Variants in MYH10 observed in about 807,000 individuals in gnomAD.
MYH10 encodes myosin-10.
A neutral mutation model predicts 257.8 loss-of-function variants in MYH10; 55 were observed. That is an observed-to-expected ratio of 0.21 (90% CI 0.17 to 0.27). MYH10 has a LOEUF of 0.27. Among genes scored for constraint, MYH10 ranks in the 10% least tolerant of loss-of-function variants. MYH10 has a pLI of 1.00. For synonymous variants in MYH10, 854 were observed against 921.7 expected (o/e 0.93, Z 1.33); for missense variants, 1,631 against 2,500.6 (o/e 0.65, Z 7.42).
intron 9 of MYH10, among the ~76,000 whole-genome samples, chr17:8,551,149 AAAT>A (rs1334434007): frequency 3.0e-5 from 4 of 133,526 alleles, no homozygotes; most frequent in Admixed American, 8.1e-5. Context: ...AAAAATAAAT[AAAT>A]AATAAATTTA....
At chr17:8,494,105 G>A (rs565142799) in intron 31 of MYH10, among the ~76,000 whole-genome samples, 1 of 152,110 alleles carries the variant, frequency 6.6e-6, no homozygotes, top group Non-Finnish European at 1.5e-5. Context: ...AACGAATGGC[G>A]GCGCCATCCA....
intron 22 of MYH10, 22 bp downstream of exon 22, chr17:8,513,764 G>A (rs762722376): frequency 6.2e-7 from 1 of 1,613,372 alleles, no homozygotes; most frequent in Non-Finnish European, 8.5e-7. Context: ...AAGGGATCTG[G>A]AAAGAAGTGA....
intron 3 of MYH10, among the ~76,000 whole-genome samples, chr17:8,595,089 A>T (rs1684528313): frequency 6.6e-6 from 1 of 152,232 alleles, no homozygotes; most frequent in Admixed American, 6.5e-5. Flanking sequence ...AGCACTAAAA[A>T]AGAATGAACT....
At chr17:8,487,089 C>G (rs189526988) in intron 36 of MYH10, among the ~76,000 whole-genome samples, 5 of 152,044 alleles carry the variant, frequency 3.3e-5, no homozygotes, top group African/African-American at 1.2e-4. Flanking sequence ...GAAAAAGTGA[C>G]GATTAAAACA....
intron 5 of MYH10, 29 bp from the exon 6 acceptor site, chr17:8,576,701 T>A (rs1488380639): frequency 1.3e-6 from 2 of 1,549,476 alleles, no homozygotes; most frequent in East Asian, 4.9e-5. Flanking sequence ...CAAATGCAAA[T>A]GTTAGCAAGT....
intron 17 of MYH10, among the ~76,000 whole-genome samples, chr17:8,527,115 C>A (rs543436649): frequency 6.6e-6 from 1 of 152,128 alleles, no homozygotes; most frequent in Admixed American, 6.5e-5. Flanking sequence ...ATTATGAATT[C>A]GCAGAAACGA....
At chr17:8,559,417 TAA>T (rs2082912621) in intron 7 of MYH10, among the ~76,000 whole-genome samples, 2 of 812 alleles carry the variant, frequency 2.5e-3, no homozygotes, top group South Asian at 0.25. Context: ...GGTGATATAA[TAA>T]ATAAATTAAA....
intron 21 of MYH10, among the ~76,000 whole-genome samples, chr17:8,516,506 T>C (rs1214350266): frequency 6.6e-6 from 1 of 152,230 alleles, no homozygotes; most frequent in African/African-American, 2.4e-5. Context: ...CATATAAGAT[T>C]ACATGGATTT....
intron 24 of MYH10, 117 bp downstream of exon 24, chr17:8,512,334 C>T: frequency 1.3e-6 from 1 of 776,106 alleles, no homozygotes; most frequent in Non-Finnish European, 2.1e-6. Context: ...CTTCTCATAA[C>T]CCAGAACCCT....
Position 8,492,385 on chromosome 17 carries a change from T to G in MYH10, c.4583A>C (p.Glu1528Ala). ...SLARALEEAL[E>A]AKEEFERQNK... Reference sequence around the variant, plus strand: ...CTGCCTCTCAAACTCCTCCTTGGCCTCCAGGGCTTCCTCGAGGGCCCGGGC... The same window carrying G: ...CTGCCTCTCAAACTCCTCCTTGGCCGCCAGGGCTTCCTCGAGGGCCCGGGC... Residue 1528 changes from glutamate to alanine, a missense_variant, in exon 34 of 43, where the codon GAG becomes GCG. Transcript: ENST00000360416. The G allele has an allele frequency of 6.2e-7, 1 of 1,613,756 alleles. No homozygotes were observed. Among genetic ancestry groups the G allele is most frequent in the Non-Finnish European group, 8.5e-7 (1 of 1,180,020 alleles).
At chr17:8,514,749 C>T (rs988261364) in intron 21 of MYH10, among the ~76,000 whole-genome samples, 1 of 152,144 alleles carries the variant, frequency 6.6e-6, no homozygotes, top group African/African-American at 2.4e-5. Context: ...GCAAACGTTC[C>T]TATTACTGAC....
chr17:8,585,182 T>C (rs563572227), intron 4 of MYH10, among the ~76,000 whole-genome samples: 1 of 123,540 alleles, frequency 8.1e-6, no homozygotes. Context: ...TATATGTGTG[T>C]GTGTGTGTAT....
At chr17:8,630,219 G>A (rs899959371) in intron 1 of MYH10, among the ~76,000 whole-genome samples, 1 of 150,828 alleles carries the variant, frequency 6.6e-6, no homozygotes, top group Admixed American at 6.6e-5. Context: ...GGCACGCCGA[G>A]ACCTCCGCCG....
chr17:8,508,812 A>G (rs541876208), intron 25 of MYH10, 135 bp from the exon 26 acceptor site: 2 of 979,196 alleles, frequency 2.0e-6, no homozygotes, highest in African/African-American at 3.3e-5. Flanking sequence ...CAGACTGTAC[A>G]CAATCACATG....
intron 16 of MYH10, among the ~76,000 whole-genome samples, chr17:8,532,446 G>A (rs367818823): frequency 3.9e-5 from 6 of 152,134 alleles, no homozygotes; most frequent in Admixed American, 1.3e-4. Flanking sequence ...TAACTTTCCC[G>A]TATCTCTTAA....
chr17:8,478,595 G>A (rs1913107432), intron 40 of MYH10, 149 bp from the exon 41 acceptor site: 1 of 688,774 alleles, frequency 1.5e-6, no homozygotes, highest in Non-Finnish European at 2.5e-6. Flanking sequence ...CTAATGTGCT[G>A]AAACCTTTCC....
chr17:8,524,449 C>CAA (rs541255427), intron 17 of MYH10, among the ~76,000 whole-genome samples: 36 of 62,158 alleles, frequency 5.8e-4, no homozygotes, highest in African/African-American at 2.3e-3. Flanking sequence ...GACTCTGTCT[C>CAA]AAAAAAAAAA....
At chr17:8,492,734 G>A (rs1597633164) in intron 33 of MYH10, 42 bp downstream of exon 33, 1 of 1,571,744 alleles carries the variant, frequency 6.4e-7, no homozygotes, top group Admixed American at 1.9e-5. Context: ...ACGAACAAAA[G>A]CAAGAGCTCT....
chr17:8,554,851 G>A (rs1312828963), intron 7 of MYH10, among the ~76,000 whole-genome samples: 2 of 152,216 alleles, frequency 1.3e-5, no homozygotes, highest in East Asian at 3.8e-4. Flanking sequence ...TACTCGGGAG[G>A]CAGAGGCCAG....
Sources: gnomAD v4.1 joint callset for allele counts (sites outside exome capture counted in the v4.1 genomes callset) on GRCh38, gnomAD v4.1.1 for gene constraint, MANE v1.5 for transcripts, NCBI Gene and HGNC (gene_info 2026-07-23, HGNC 2026-07-21) for gene names.